The following RAPH1 variants were observed in gnomAD, a reference collection of about 807,000 sequenced individuals.
RAPH1 encodes ras-associated and pleckstrin homology domains-containing protein 1.
A neutral mutation model predicts 88.1 loss-of-function variants in RAPH1; 18 were observed. The ratio of observed to expected loss-of-function variants is 0.20; its 90% confidence interval spans 0.14 to 0.30. RAPH1 has a LOEUF of 0.30. Among genes scored for constraint, RAPH1 ranks in the 10% least tolerant of loss-of-function variants. The pLI is 1.00. For synonymous variants in RAPH1, 587 were observed against 559.0 expected (o/e 1.05, Z -0.71); for missense variants, 1,448 against 1,543.2 (o/e 0.94, Z 1.03).
chr2:203,489,888 A>G lies in RAPH1; in HGVS notation c.428T>C (p.Ile143Thr), dbSNP rs756543555. 1.2e-6 allele frequency: 2 copies of G among 1,614,230 alleles called. No individual in the cohort carries two copies. The highest frequency in any genetic ancestry group is 1.7e-6 in the Non-Finnish European group (2 of 1,180,040). Reference protein sequence around the residue: ...LKGLSSSSNRIAKPSHASYSL... With the variant: ...LKGLSSSSNRTAKPSHASYSL... ...GTAGCTGGCATGGGAAGGTTTAGCT[A>G]TCCTATTAGATGAAGAAGATAATCC... Residue 143 changes from isoleucine (I) to threonine (T), a missense_variant, in exon 4 of 14, where the codon ATA becomes ACA. This residue lies in a region of RAPH1 where 513 missense variants were observed against 653.1 expected (regional missense o/e 0.79). Transcript: ENST00000319170.
chr2:203,456,422 A>T (rs1283286981), intron 8 of RAPH1, among the ~76,000 whole-genome samples: 1 of 152,240 alleles, frequency 6.6e-6, no homozygotes, highest in Non-Finnish European at 1.5e-5. Flanking sequence ...CATTTATGTG[A>T]CTCTAAGACA....
intron 4 of RAPH1, among the ~76,000 whole-genome samples, chr2:203,483,654 T>C (rs1687828187): frequency 6.6e-6 from 1 of 152,178 alleles, no homozygotes; most frequent in African/African-American, 2.4e-5. Flanking sequence ...TGAGAGTGTT[T>C]CCAGAGGAGA....
intron 1 of RAPH1, among the ~76,000 whole-genome samples, chr2:203,534,092 C>G (rs572784997): frequency 6.6e-6 from 1 of 152,296 alleles, no homozygotes; most frequent in African/African-American, 2.4e-5. Flanking sequence ...TGGACTGACT[C>G]TTTAATAATC....
Position 203,435,433 on chromosome 2 carries a change from T to C in RAPH1, c.*4004A>G, listed in dbSNP as rs2098497737. On this transcript the variant is annotated 3_prime_UTR_variant, in exon 14 of 14. Coordinates refer to ENST00000319170, the MANE Select transcript of RAPH1 (RefSeq NM_213589.3). ...ATTCTTTTATACTTGCATTTCTCTT[T>C]GGATCAAATCTCAACTTTGTGAGAG... is the stretch of plus-strand genomic sequence containing the variant. 6.6e-6 allele frequency: 1 copy of C among 152,046 alleles called. No homozygotes were observed. The highest frequency in any genetic ancestry group is 6.6e-5 in the Admixed American group (1 of 15,262). The allele number at this position is 152,046 out of a possible 1,614,324, so 9.4% of individuals were successfully genotyped here. A position where few individuals can be genotyped will look rare whatever the true frequency, so the allele number is the denominator to read the frequency against.
chr2:203,440,409 A>T lies in RAPH1; in HGVS notation c.2781T>A (p.Phe927Leu). ...PPPPPESSLV[F>L]PPPPPSPVPA... ...GGACAGGTGATGGGGGTGGAGGAGG[A>T]AACACCAGGCTGCTTTCAGGAGGGG... Residue 927 changes from phenylalanine (F) to leucine (L), a missense_variant, in exon 14 of 14, where the codon TTT (phenylalanine) becomes TTA (leucine). Transcript: ENST00000319170. The T allele has an allele frequency of 6.4e-7, 1 of 1,561,794 alleles. No homozygotes were observed. The highest frequency in any genetic ancestry group is 8.7e-7 in the Non-Finnish European group (1 of 1,153,840).
intron 5 of RAPH1, 116 bp from the exon 6 acceptor site, chr2:203,461,524 AAAT>A (rs778982274): frequency 8.1e-6 from 6 of 741,850 alleles, no homozygotes; most frequent in Non-Finnish European, 1.2e-5. Context: ...ATTAAAACAC[AAAT>A]AATGACTTCA....
intron 1 of RAPH1, among the ~76,000 whole-genome samples, chr2:203,528,255 T>TAA: frequency 6.9e-6 from 1 of 145,000 alleles, no homozygotes; most frequent in South Asian, 2.2e-4. Flanking sequence ...AGCTGTATTC[T>TAA]AAAAAAAAAA....
intron 10 of RAPH1, among the ~76,000 whole-genome samples, chr2:203,451,497 C>G (rs1455253075): frequency 6.6e-6 from 1 of 152,186 alleles, no homozygotes; most frequent in East Asian, 1.9e-4. Context: ...TCTGCTACCT[C>G]TGCTCCTTTT....
At position 203,489,825 on chromosome 2, in the gene RAPH1, G is replaced by A. The variant is rs1688165360; in HGVS notation, c.491C>T (p.Ser164Phe). 1 of 1,614,110 alleles carries A rather than the reference G, an allele frequency of 6.2e-7. No individual in the cohort carries two copies. The highest frequency in any genetic ancestry group is 1.7e-5 in the Admixed American group (1 of 60,004). The part of the protein sequence containing the change: ...DDVTAQLEQA[S>F]LSMDEAAQQS... The stretch of plus-strand genomic sequence containing the variant: ...CTGAGCAGCCTCATCCATACTCAAA[G>A]AGGCCTGTTCTAACTGTGCAGTGAC... Residue 164 changes from serine to phenylalanine, a missense_variant, in exon 4 of 14, where the codon TCT becomes TTT. Around this residue, in one of 2 missense-constraint regions of RAPH1, gnomAD observed 513 missense variants for 653.1 expected, o/e 0.79. Coordinates refer to ENST00000319170, the MANE Select transcript of RAPH1 (RefSeq NM_213589.3).
chr2:203,503,509 A>G (rs1688839089), intron 1 of RAPH1, among the ~76,000 whole-genome samples: 1 of 152,194 alleles, frequency 6.6e-6, no homozygotes. Context: ...CCAAGATTCA[A>G]TTATCTCCCC....
chr2:203,505,842 C>T (rs532604846), intron 1 of RAPH1, among the ~76,000 whole-genome samples: 89 of 152,140 alleles, frequency 5.8e-4, no homozygotes, highest in Non-Finnish European at 9.1e-4. Context: ...CACACACGCG[C>T]GCGCACGCAC....
At position 203,496,620 on chromosome 2, in the gene RAPH1, T is replaced by C. The variant is rs529501305; in HGVS notation, c.1-1267A>G. The stretch of plus-strand genomic sequence containing the variant: ...CTTGAAACAAATTAAATGTTTTTTT[T>C]CTTCAAGTTAGCAGATTATAAACCC... On this transcript the variant is annotated intron_variant, in intron 1 of 13. Transcript: ENST00000319170. Among the ~76,000 whole-genome samples, 10 of 152,356 alleles carry C rather than the reference T, an allele frequency of 6.6e-5. No homozygotes were observed. The East Asian group carries it at 1.3e-3, about 21-fold the overall frequency.
At position 203,439,824 on chromosome 2, in the gene RAPH1, G is replaced by C. The variant is rs1352994924; in HGVS notation, c.3366C>G (p.Pro1122=). 1 of 1,614,076 alleles carries C rather than the reference G, an allele frequency of 6.2e-7. No homozygotes were observed. The highest frequency in any genetic ancestry group is 8.5e-7 in the Non-Finnish European group (1 of 1,180,022). ...TGCTATCATTCCGTTTGGGTCGTGTGGGTGGAGGGGCCTTCTTCACTGACA... is the reference window on the plus strand; with the variant it reads ...TGCTATCATTCCGTTTGGGTCGTGTCGGTGGAGGGGCCTTCTTCACTGACA... ...SKMSVKKAPP[P]TRPKRNDSTR... Residue 1122 remains proline (P), a synonymous_variant, in exon 14 of 14, where the codon CCC becomes CCG. Transcript: ENST00000319170.
At chr2:203,461,728 G>A in intron 5 of RAPH1, 120 bp downstream of exon 5, 1 of 644,636 alleles carries the variant, frequency 1.6e-6, no homozygotes, top group Non-Finnish European at 2.5e-6. Context: ...TATATTACTA[G>A]GAAGAAATGC....
At chr2:203,473,087 A>G (rs2098534520) in intron 4 of RAPH1, among the ~76,000 whole-genome samples, 1 of 152,090 alleles carries the variant, frequency 6.6e-6, no homozygotes, top group Admixed American at 6.6e-5. Context: ...GCTATTCACT[A>G]TTTAGTTACT....
chr2:203,456,757 A>G (rs1334896992), intron 8 of RAPH1, among the ~76,000 whole-genome samples: 1 of 152,208 alleles, frequency 6.6e-6, no homozygotes, highest in African/African-American at 2.4e-5. Flanking sequence ...GTTTTCAAGT[A>G]TACTAAGTTA....
At chr2:203,510,228 CAGG>C (rs984043221) in intron 1 of RAPH1, among the ~76,000 whole-genome samples, 20 of 147,798 alleles carry the variant, frequency 1.4e-4, no homozygotes, top group African/African-American at 4.8e-4. Context: ...CCCAGCTGCT[CAGG>C]AGGCTAACGT....
At position 203,439,866 on chromosome 2, in the gene RAPH1, T is replaced by C. The variant is rs369956713; in HGVS notation, c.3324A>G (p.Pro1108=). ...SPKVAVVNPQ[P]QQWSKMSVKK... is the part of the protein sequence containing the mutation. The stretch of plus-strand genomic sequence containing the variant: ...TCACTGACATTTTAGACCATTGTTG[T>C]GGTTGAGGATTAACGACTGCCACTT... The change falls in exon 14 of 14, where the codon CCA becomes CCG. Residue 1108 remains proline, a synonymous_variant. Coordinates refer to ENST00000319170, the MANE Select transcript of RAPH1 (RefSeq NM_213589.3). 2 of 1,613,488 alleles carry C rather than the reference T, an allele frequency of 1.2e-6. No homozygotes were observed. Among genetic ancestry groups the C allele is most frequent in the African/African-American group, 2.7e-5 (2 of 74,700 alleles).
intron 6 of RAPH1, 143 bp downstream of exon 6, chr2:203,461,106 A>T: frequency 3.5e-6 from 1 of 284,090 alleles, no homozygotes; most frequent in Non-Finnish European, 5.9e-6. Flanking sequence ...ACAGAGCGAG[A>T]CTCCATCCCC....
Sources: gnomAD v4.1 joint callset for allele counts (sites outside exome capture counted in the v4.1 genomes callset) on GRCh38, gnomAD v4.1.1 for gene constraint, gnomAD v4.1.1 regional missense constraint, MANE v1.5 for transcripts, NCBI Gene and HGNC (gene_info 2026-07-23, HGNC 2026-07-21) for gene names.